NRF1: variants seen among roughly 807,000 people sequenced by gnomAD.
NRF1 encodes nuclear respiratory factor 1, also known as alpha palindromic-binding protein.
NRF1 carries 5 observed loss-of-function variants against 58.5 expected under a neutral mutation model. The ratio of observed to expected loss-of-function variants is 0.09; its 90% CI spans 0.04 to 0.18. The LOEUF (loss-of-function observed/expected upper bound fraction) is 0.18, where lower values mean the gene tolerates loss of function less well. NRF1 is among the 10% of genes least tolerant of loss of function. The pLI is 1.00. For missense variants in NRF1, 288 were observed against 657.7 expected (o/e 0.44, Z 6.15); for synonymous variants, 224 against 246.7 (o/e 0.91, Z 0.86).
intron 1 of NRF1, among the ~76,000 whole-genome samples, chr7:129,654,805 T>G (rs1328412290): frequency 1.3e-5 from 2 of 152,254 alleles, no homozygotes; most frequent in Non-Finnish European, 2.9e-5. Flanking sequence ...TCTCTTCTGT[T>G]ACATTGGTCT....
chr7:129,666,273 A>G (rs1212229129), intron 2 of NRF1, among the ~76,000 whole-genome samples: 2 of 151,908 alleles, frequency 1.3e-5, no homozygotes, highest in African/African-American at 2.4e-5. Context: ...CCCTCCCTCC[A>G]CTGGGGTAAC....
chr7:129,724,508 G>A (rs1242332666), intron 9 of NRF1, among the ~76,000 whole-genome samples: 2 of 152,206 alleles, frequency 1.3e-5, no homozygotes, highest in African/African-American at 4.8e-5. Flanking sequence ...ACTACCGTAT[G>A]TTGCAGCAAA....
chr7:129,655,506 T>C (rs1801633016), intron 1 of NRF1, among the ~76,000 whole-genome samples: 2 of 137,838 alleles, frequency 1.5e-5, no homozygotes, highest in East Asian at 4.3e-4. Flanking sequence ...GGAGATTTCC[T>C]TGTCTTCTTC....
In NRF1 at chr7:129,674,480, G is replaced by A. The variant is rs530519169; in HGVS notation, c.338+2937G>A. ...GACAGAGTCTAGCTCTGCTGTCCAA[G>A]CTAGAGTGCAGTGGTGTGATCATGG... On this transcript the variant is annotated intron_variant, in intron 3 of 10. Transcript: ENST00000393232. Among the ~76,000 whole-genome samples the A allele has an allele frequency of 3.3e-5, 5 of 151,908 alleles. No homozygotes were observed. In the East Asian group the frequency reaches 7.7e-4, roughly 24 times the overall value.
chr7:129,724,498 A>ACT (rs1404925360), intron 9 of NRF1, among the ~76,000 whole-genome samples: 1 of 152,218 alleles, frequency 6.6e-6, no homozygotes, highest in Non-Finnish European at 1.5e-5. Context: ...TAAAAATGGG[A>ACT]CTACCGTATG....
At chr7:129,667,848 A>C (rs1343010403) in intron 2 of NRF1, among the ~76,000 whole-genome samples, 1 of 151,818 alleles carries the variant, frequency 6.6e-6, no homozygotes, top group Non-Finnish European at 1.5e-5. Flanking sequence ...AGTTCTCTGC[A>C]GCCTCAAACT....
intron 5 of NRF1, among the ~76,000 whole-genome samples, chr7:129,693,712 A>G (rs1802622479): frequency 6.6e-6 from 1 of 152,178 alleles, no homozygotes. Context: ...TTCTAGAGGC[A>G]TTCTGACTGG....
chr7:129,678,966 T>C (rs983937709), intron 4 of NRF1, among the ~76,000 whole-genome samples: 3 of 152,120 alleles, frequency 2.0e-5, no homozygotes, highest in Admixed American at 6.5e-5. Context: ...TACCTTTGAC[T>C]GACATTGATA....
chr7:129,665,104 G>A (rs1801889509), intron 2 of NRF1, among the ~76,000 whole-genome samples: 1 of 152,238 alleles, frequency 6.6e-6, no homozygotes, highest in Non-Finnish European at 1.5e-5. Flanking sequence ...GTGACTGACA[G>A]GCAGTTAGGT....
At chr7:129,675,023 T>TCTG (rs1170315663) in intron 3 of NRF1, among the ~76,000 whole-genome samples, 2 of 152,246 alleles carry the variant, frequency 1.3e-5, no homozygotes, top group African/African-American at 4.8e-5. Flanking sequence ...CCCCTCCAAC[T>TCTG]CTGCTGCTGC....
chr7:129,715,840 A>G (rs867967343), intron 8 of NRF1, among the ~76,000 whole-genome samples: 1 of 152,208 alleles, frequency 6.6e-6, no homozygotes, highest in Non-Finnish European at 1.5e-5. Context: ...CCCCGTTTCT[A>G]CTAAAAATAC....
At chr7:129,717,078 C>A in intron 8 of NRF1, 141 bp from the exon 9 acceptor site, 1 of 746,174 alleles carries the variant, frequency 1.3e-6, no homozygotes, top group Non-Finnish European at 2.1e-6. Flanking sequence ...ATGCTTAAAG[C>A]TCTGTTCTGT....
At chr7:129,740,239 TC>T (rs1803815364) in intron 10 of NRF1, among the ~76,000 whole-genome samples, 5 of 152,180 alleles carry the variant, frequency 3.3e-5, no homozygotes, top group Admixed American at 3.3e-4. Context: ...GAGACTATAG[TC>T]CTACTCTCTT....
intron 1 of NRF1, among the ~76,000 whole-genome samples, chr7:129,646,580 A>T (rs959123365): frequency 6.6e-6 from 1 of 152,214 alleles, no homozygotes. Context: ...GTGGAATGCC[A>T]TTCAGCTGGT....
chr7:129,716,592 C>T (rs563822617), intron 8 of NRF1, among the ~76,000 whole-genome samples: 143 of 151,970 alleles, frequency 9.4e-4, no homozygotes, highest in African/African-American at 3.3e-3. Flanking sequence ...TAGAGTGGGC[C>T]GGGCGTGGTG....
At chr7:129,704,229 G>A (rs149691925) in intron 5 of NRF1, among the ~76,000 whole-genome samples, 37 of 152,164 alleles carry the variant, frequency 2.4e-4, no homozygotes, top group African/African-American at 7.9e-4. Flanking sequence ...TGATCAATTT[G>A]TTCCTTCTTG....
intron 9 of NRF1, among the ~76,000 whole-genome samples, chr7:129,725,486 C>T (rs1400281499): frequency 6.6e-6 from 1 of 152,094 alleles, no homozygotes; most frequent in Non-Finnish European, 1.5e-5. Flanking sequence ...CACCACCACA[C>T]CTGGCTAATT....
intron 7 of NRF1, 27 bp from the exon 8 acceptor site, chr7:129,711,448 T>C: frequency 6.3e-7 from 1 of 1,574,842 alleles, no homozygotes; most frequent in Non-Finnish European, 8.7e-7. Flanking sequence ...CCACTGACAC[T>C]TAACCACTTT....
intron 2 of NRF1, among the ~76,000 whole-genome samples, chr7:129,663,363 CT>C (rs1370446415): frequency 1.2e-4 from 18 of 150,188 alleles, no homozygotes; most frequent in African/African-American, 4.4e-4. Flanking sequence ...GCGCACCTCA[CT>C]TCCCAGACGG....
Sources: gnomAD v4.1 joint callset for allele counts (sites outside exome capture counted in the v4.1 genomes callset) on GRCh38, gnomAD v4.1.1 for gene constraint, MANE v1.5 for transcripts, NCBI Gene and HGNC (gene_info 2026-07-23, HGNC 2026-07-21) for gene names.